The following HPSE2 variants were observed in gnomAD, a reference collection of about 807,000 sequenced individuals.
HPSE2 encodes inactive heparanase-2.
In HPSE2, 38 loss-of-function variants were observed where a neutral mutation model predicts 60.5. The ratio of observed to expected loss-of-function variants is 0.63; its 90% confidence interval spans 0.48 to 0.82. The LOEUF is 0.82. Ranked by LOEUF, HPSE2 falls within the 40% of genes least tolerant of loss-of-function variation. HPSE2 has a pLI of 0.00. For missense variants in HPSE2, 713 were observed against 740.4 expected (o/e 0.96, Z 0.43); for synonymous variants, 295 against 293.2 (o/e 1.01, Z -0.06).
intron 9 of HPSE2, among the ~76,000 whole-genome samples, chr10:98,528,654 A>G (rs1943042344): frequency 6.6e-6 from 1 of 152,174 alleles, no homozygotes; most frequent in Non-Finnish European, 1.5e-5. Flanking sequence ...AAACCTGGAC[A>G]CCCAGAATGA....
At chr10:99,189,100 T>A (rs1848131282) in intron 2 of HPSE2, among the ~76,000 whole-genome samples, 1 of 152,374 alleles carries the variant, frequency 6.6e-6, no homozygotes, top group East Asian at 1.9e-4. Flanking sequence ...GAATGGTATA[T>A]TTCTAAGAAG....
chr10:98,979,376 A>G (rs1226818640), intron 3 of HPSE2, among the ~76,000 whole-genome samples: 1 of 152,188 alleles, frequency 6.6e-6, no homozygotes, highest in Non-Finnish European at 1.5e-5. Context: ...AAAAGTGGCT[A>G]AATTTGTGGG....
At chr10:99,031,697 G>A (rs1311010190) in intron 3 of HPSE2, among the ~76,000 whole-genome samples, 1 of 152,166 alleles carries the variant, frequency 6.6e-6, no homozygotes, top group African/African-American at 2.4e-5. Context: ...CTAGTTATGG[G>A]AAACAGAAAA....
chr10:98,646,717 A>G (rs1442788732), intron 6 of HPSE2, among the ~76,000 whole-genome samples: 4 of 152,118 alleles, frequency 2.6e-5, no homozygotes, highest in Admixed American at 1.3e-4. Flanking sequence ...GTCCCCCTTA[A>G]TTTTACATTT....
rs1169646517 is a variant in HPSE2 at position 99,117,500 on chromosome 10, C to G, written c.610+26738G>C. ...TAGACAAATAAAGAAGAGAGAAGAC[C>G]CAAATAAACATCGTCAGAAACAACA... On this transcript the variant is annotated intron_variant, in intron 3 of 11. Transcript: ENST00000370552. Among the ~76,000 whole-genome samples the G allele has an allele frequency of 1.3e-4, 16 of 127,006 alleles. 1 individual carries two copies. The Admixed American group carries it at 1.3e-3, about 10-fold the overall frequency. 83.3% of individuals were successfully genotyped at this position (127,006 alleles called of 152,430 possible).
intron 9 of HPSE2, among the ~76,000 whole-genome samples, chr10:98,562,692 C>G (rs1218685181): frequency 2.5e-5 from 3 of 118,376 alleles, no homozygotes; most frequent in East Asian, 2.6e-4. Flanking sequence ...TCCAGCCTGG[C>G]GAACAGAGTG....
At chr10:99,063,802 G>A (rs920281848) in intron 3 of HPSE2, among the ~76,000 whole-genome samples, 2 of 152,076 alleles carry the variant, frequency 1.3e-5, no homozygotes, top group African/African-American at 2.4e-5. Flanking sequence ...CATATAAAAA[G>A]GTCTGGAAGG....
At position 99,232,514 on chromosome 10, in the gene HPSE2, G is replaced by A. The variant is rs752830448; in HGVS notation, c.291-9C>T. The A allele has an allele frequency of 1.1e-5, 17 of 1,551,756 alleles. No homozygotes were observed. Among genetic ancestry groups the A allele is most frequent in the South Asian group, 9.5e-5 (8 of 84,120 alleles). ...TCACCAAGCGCTTGGAGCTGCAGAG[G>A]AAGAGAATAAGAGAGGAAAGGTTCC... is the stretch of plus-strand genomic sequence containing the variant. On this transcript the variant is annotated splice_polypyrimidine_tract_variant and intron_variant, in intron 1 of 11. Coordinates refer to ENST00000370552, the MANE Select transcript of HPSE2 (RefSeq NM_021828.5).
rs916717775 is a variant in HPSE2 at position 98,999,562 on chromosome 10, T to C, written c.610+144676A>G. On this transcript the variant is annotated intron_variant, in intron 3 of 11. Transcript: ENST00000370552. ...CATGCACCATGCTGCTTTTTTATGTTGCCAGTCTGCAATGAAGTAATCTCA... is the reference window on the plus strand; with the variant it reads ...CATGCACCATGCTGCTTTTTTATGTCGCCAGTCTGCAATGAAGTAATCTCA... Among the ~76,000 whole-genome samples the C allele has an allele frequency of 3.7e-4, 56 of 152,140 alleles. 1 individual carries two copies. The highest frequency in any genetic ancestry group is 1.3e-4 in the Non-Finnish European group (9 of 68,000).
intron 3 of HPSE2, among the ~76,000 whole-genome samples, chr10:98,836,283 A>T (rs1011746871): frequency 3.9e-5 from 6 of 152,182 alleles, no homozygotes; most frequent in African/African-American, 1.4e-4. Flanking sequence ...TTGCTCTTAG[A>T]GTCTAAAACC....
intron 9 of HPSE2, among the ~76,000 whole-genome samples, chr10:98,528,201 C>T (rs560228): frequency 0.86 from 130,769 of 152,082 alleles, 57,210 homozygotes; most frequent in East Asian, 1. Flanking sequence ...AGAGAGACAA[C>T]AATTAAAGGG....
At chr10:98,980,658 T>C (rs951758359) in intron 3 of HPSE2, among the ~76,000 whole-genome samples, 4 of 152,200 alleles carry the variant, frequency 2.6e-5, no homozygotes, top group Non-Finnish European at 5.9e-5. Flanking sequence ...TACAGTAGCA[T>C]ACTCCTAAGT....
At chr10:98,594,147 T>G (rs977195768) in intron 9 of HPSE2, among the ~76,000 whole-genome samples, 9 of 152,200 alleles carry the variant, frequency 5.9e-5, no homozygotes, top group African/African-American at 2.2e-4. Flanking sequence ...TACTTTTCAT[T>G]TTTTGTGGTG....
chr10:99,101,005 G>C (rs1191117503), intron 3 of HPSE2, among the ~76,000 whole-genome samples: 1 of 152,074 alleles, frequency 6.6e-6, no homozygotes, highest in African/African-American at 2.4e-5. Context: ...ACATGGAAAG[G>C]AACAACCGGT....
intron 3 of HPSE2, among the ~76,000 whole-genome samples, chr10:98,773,882 C>T (rs539842710): frequency 3.3e-5 from 5 of 152,046 alleles, no homozygotes; most frequent in Non-Finnish European, 7.4e-5. Context: ...ATAGTGAGAC[C>T]TTATCTCTAC....
At chr10:99,152,094 G>A (rs1016732542) in intron 2 of HPSE2, among the ~76,000 whole-genome samples, 14 of 151,864 alleles carry the variant, frequency 9.2e-5, no homozygotes, top group South Asian at 2.1e-4. Context: ...GGCAGATCAC[G>A]AGGTCAGGAG....
intron 9 of HPSE2, among the ~76,000 whole-genome samples, chr10:98,600,939 A>ATATATG (rs1945406279): frequency 3.6e-5 from 2 of 55,928 alleles, no homozygotes; most frequent in Non-Finnish European, 8.9e-5. Context: ...ATATATATAT[A>ATATATG]TAGAAAGAGA....
intron 3 of HPSE2, among the ~76,000 whole-genome samples, chr10:98,819,103 T>A (rs899047654): frequency 2.6e-5 from 4 of 152,204 alleles, no homozygotes; most frequent in African/African-American, 9.6e-5. Flanking sequence ...TTGCATACAA[T>A]TAAAACAAGA....
At chr10:98,873,329 T>C (rs1564625104) in intron 3 of HPSE2, among the ~76,000 whole-genome samples, 2 of 152,018 alleles carry the variant, frequency 1.3e-5, no homozygotes, top group African/African-American at 4.8e-5. Context: ...GCTGCACCTA[T>C]TGACCCATCC....
Sources: allele counts gnomAD v4.1 joint callset (sites outside exome capture counted in the v4.1 genomes callset), GRCh38; gene constraint gnomAD v4.1.1; transcripts MANE v1.5; gene names NCBI Gene and HGNC (gene_info 2026-07-23, HGNC 2026-07-21).